Variants in PTPN13 observed in about 807,000 individuals in gnomAD.
The protein encoded by PTPN13 is tyrosine-protein phosphatase non-receptor type 13.
In PTPN13, 191 loss-of-function variants were observed where a neutral mutation model predicts 284.0. The ratio of observed to expected loss-of-function variants is 0.67; its 90% CI spans 0.60 to 0.76. PTPN13 has a LOEUF of 0.76. Among genes scored for constraint, PTPN13 ranks in the 30% least tolerant of loss-of-function variants. The pLI, the probability that PTPN13 is intolerant of heterozygous loss-of-function variation, is 0.00. For synonymous variants in PTPN13, 986 were observed against 1,022.3 expected (o/e 0.96, Z 0.68); for missense variants, 2,797 against 2,939.9 (o/e 0.95, Z 1.12).
chr4:86,782,274 C>T lies in PTPN13; in HGVS notation c.6024+12C>T, dbSNP rs777503350. ...ATTCATTCTCCACGGTAAGAAAAAG[C>T]CCACCCTCTTTCATGTCATACCTCC... is the stretch of plus-strand genomic sequence containing the variant. On this transcript the variant is annotated intron_variant, in intron 37 of 47. Coordinates refer to ENST00000411767, the MANE Select transcript of PTPN13 (RefSeq NM_080683.3). The T allele has an allele frequency of 6.3e-7, 1 of 1,591,264 alleles. No homozygotes were observed. Among genetic ancestry groups the T allele is most frequent in the Non-Finnish European group, 8.6e-7 (1 of 1,159,390 alleles).
intron 40 of PTPN13, among the ~76,000 whole-genome samples, chr4:86,794,807 C>G (rs937840805): frequency 5.9e-5 from 9 of 152,208 alleles, no homozygotes; most frequent in Non-Finnish European, 8.8e-5. Context: ...AAAGGATTCC[C>G]TATTTAATAA....
intron 1 of PTPN13, among the ~76,000 whole-genome samples, chr4:86,596,903 T>C (rs1053275081): frequency 6.6e-6 from 1 of 152,154 alleles, no homozygotes; most frequent in African/African-American, 2.4e-5. Context: ...CCATTTGAAA[T>C]GAAAAAGAAA....
chr4:86,719,315 T>C (rs1305709340), intron 9 of PTPN13, among the ~76,000 whole-genome samples: 3 of 152,216 alleles, frequency 2.0e-5, no homozygotes, highest in East Asian at 3.8e-4. Context: ...GATCTCATTC[T>C]TTTTTATGGC....
In PTPN13 at chr4:86,728,870, T is replaced by C. The variant is rs1319300917; in HGVS notation, c.1609-3530T>C. Among the ~76,000 whole-genome samples, 3 of 147,812 alleles carry C rather than the reference T, an allele frequency of 2.0e-5. No homozygotes were observed. In the East Asian group the frequency reaches 5.8e-4, roughly 29 times the overall value. On this transcript the variant is annotated intron_variant, in intron 10 of 47. Transcript: ENST00000411767. ...AAGGTTAACATTGTTATGTGTGAATTTGATCCTGTCATTATGATGTTATCT... is the reference window on the plus strand; with the variant it reads ...AAGGTTAACATTGTTATGTGTGAATCTGATCCTGTCATTATGATGTTATCT...
intron 42 of PTPN13, 51 bp downstream of exon 42, chr4:86,799,255 T>A: frequency 8.6e-7 from 1 of 1,164,884 alleles, no homozygotes; most frequent in Non-Finnish European, 1.2e-6. Flanking sequence ...ATTGGAAAAA[T>A]GTTTTTAAGT....
chr4:86,807,459 A>G lies in PTPN13; in HGVS notation c.6746-101A>G, dbSNP rs139831449. 1,924 of 854,344 alleles carry G rather than the reference A, an allele frequency of 2.3e-3. 23 individuals are homozygous for G. Among genetic ancestry groups the G allele is most frequent in the East Asian group, 0.019 (790 of 40,660 alleles). 52.9% of individuals were successfully genotyped at this position (854,344 alleles called of 1,614,324 possible). A position where few individuals can be genotyped will look rare whatever the true frequency, so the allele number is the denominator to read the frequency against. On this transcript the variant is annotated intron_variant, in intron 44 of 47. Coordinates refer to ENST00000411767, the MANE Select transcript of PTPN13 (RefSeq NM_080683.3). Reference sequence around the variant, plus strand: ...AAATACGTTGGTGATTTCATCTGTGACTATGAGAATTTCTCATGATCTTTG... The same window carrying G: ...AAATACGTTGGTGATTTCATCTGTGGCTATGAGAATTTCTCATGATCTTTG...
At chr4:86,740,832 A>T (rs147785482) in intron 15 of PTPN13, among the ~76,000 whole-genome samples, 12,399 of 152,076 alleles carry the variant, frequency 0.082, 649 homozygotes, top group Non-Finnish European at 0.11. Flanking sequence ...TTTCTTCCAC[A>T]AGATACCCTA....
At chr4:86,763,847 C>T (rs1489465852) in intron 24 of PTPN13, among the ~76,000 whole-genome samples, 5 of 151,728 alleles carry the variant, frequency 3.3e-5, no homozygotes, top group African/African-American at 4.8e-5. Context: ...GAAGCCCAGG[C>T]GATCGAGCCA....
intron 33 of PTPN13, among the ~76,000 whole-genome samples, chr4:86,774,743 C>A (rs756647857): frequency 2.7e-5 from 4 of 150,222 alleles, no homozygotes; most frequent in Non-Finnish European, 5.9e-5. Flanking sequence ...ACTTTAAGTT[C>A]TAGGGTACAT....
chr4:86,775,977 CT>C (rs1740589089), intron 35 of PTPN13, among the ~76,000 whole-genome samples: 1 of 152,214 alleles, frequency 6.6e-6, no homozygotes, highest in South Asian at 2.1e-4. Context: ...GACAGTTTCA[CT>C]CTTGTTGCCC....
In PTPN13 at chr4:86,807,741, T is replaced by C; in HGVS notation, c.6927T>C (p.Thr2309=). 6.2e-7 allele frequency: 1 copy of C among 1,613,948 alleles called. No homozygotes were observed. ...EQKSTVIAMM[T]QEVEGEKIKC... ...AATCCACAGTGATAGCCATGATGAC[T>C]CAAGAAGTAGAAGGAGAAAAAATCA... Residue 2309 remains threonine (T), a synonymous_variant, in exon 45 of 48, where the codon ACT becomes ACC. Transcript: ENST00000411767.
chr4:86,671,120 C>T (rs1181947006), intron 2 of PTPN13, among the ~76,000 whole-genome samples: 4 of 152,164 alleles, frequency 2.6e-5, no homozygotes, highest in African/African-American at 4.8e-5. Flanking sequence ...CATAAACATG[C>T]AGGTTTTTGA....
At chr4:86,644,382 C>A (rs959550447) in intron 2 of PTPN13, among the ~76,000 whole-genome samples, 3 of 152,234 alleles carry the variant, frequency 2.0e-5, no homozygotes, top group South Asian at 2.1e-4. Flanking sequence ...TCAAGCGACC[C>A]GCTCGCATCA....
At chr4:86,684,799 A>G (rs1729263871) in intron 3 of PTPN13, among the ~76,000 whole-genome samples, 1 of 152,202 alleles carries the variant, frequency 6.6e-6, no homozygotes, top group Non-Finnish European at 1.5e-5. Flanking sequence ...AACAACAACA[A>G]CAAAAGCACA....
At chr4:86,626,831 A>G (rs1017198678) in intron 1 of PTPN13, among the ~76,000 whole-genome samples, 1 of 151,970 alleles carries the variant, frequency 6.6e-6, no homozygotes, top group African/African-American at 2.4e-5. Context: ...AGTTCCCCCA[A>G]CCCCTACGTT....
chr4:86,752,726 A>G (rs1737535830), intron 19 of PTPN13, among the ~76,000 whole-genome samples: 1 of 152,192 alleles, frequency 6.6e-6, no homozygotes, highest in African/African-American at 2.4e-5. Flanking sequence ...ACACTTGAAC[A>G]AATGAAAAAC....
intron 24 of PTPN13, among the ~76,000 whole-genome samples, chr4:86,764,340 A>C (rs1197251460): frequency 6.6e-6 from 1 of 152,086 alleles, no homozygotes; most frequent in Non-Finnish European, 1.5e-5. Context: ...CAACCATAAA[A>C]TATGAATACA....
At chr4:86,661,526 C>T (rs150274675) in intron 2 of PTPN13, among the ~76,000 whole-genome samples, 1 of 152,046 alleles carries the variant, frequency 6.6e-6, no homozygotes, top group Non-Finnish European at 1.5e-5. Context: ...TCCTCCTTTT[C>T]TTTTTGAGAA....
chr4:86,750,606 T>A lies in PTPN13; in HGVS notation c.2787T>A (p.Ala929=). Reference sequence around the variant, plus strand: ...CTGTTCGACCTTTATCAGTTCAAGCTGAGATTCTGAAGAGGCTATCCTGCT... The same window carrying A: ...CTGTTCGACCTTTATCAGTTCAAGCAGAGATTCTGAAGAGGCTATCCTGCT... The part of the protein sequence containing the change: ...KLAVRPLSVQ[A]EILKRLSCSE... Residue 929 remains alanine (A), a synonymous_variant, in exon 18 of 48, where the codon GCT becomes GCA. Coordinates refer to ENST00000411767, the MANE Select transcript of PTPN13 (RefSeq NM_080683.3). The A allele has an allele frequency of 6.2e-7, 1 of 1,613,918 alleles. No individual in the cohort carries two copies. Among genetic ancestry groups the A allele is most frequent in the Non-Finnish European group, 8.5e-7 (1 of 1,179,868 alleles).
Sources: allele counts gnomAD v4.1 joint callset (sites outside exome capture counted in the v4.1 genomes callset), GRCh38; gene constraint gnomAD v4.1.1; transcripts MANE v1.5; gene names NCBI Gene and HGNC (gene_info 2026-07-23, HGNC 2026-07-21).